Variants in OSER1 observed in about 807,000 individuals in gnomAD.
OSER1 encodes oxidative stress-responsive serine-rich protein 1.
Under a neutral mutation model 26.3 loss-of-function variants are expected in OSER1, and 15 were observed. The observed-to-expected ratio is 0.57, with a 90% CI of 0.38 to 0.88. The LOEUF (loss-of-function observed/expected upper bound fraction) is 0.88, where lower values mean the gene tolerates loss of function less well. OSER1 is among the 40% of genes least tolerant of loss of function. OSER1 has a pLI of 0.00. For synonymous variants in OSER1, 127 were observed against 128.2 expected, an observed-to-expected ratio of 0.99 and a Z score of 0.07; for missense variants, 313 against 353.9, an observed-to-expected ratio of 0.88 and a Z score of 0.93.
Position 44,196,948 on chromosome 20 carries a change from G to C in OSER1, c.*104C>G. ...GTTTTTATTGCAAGCACAGTGAGCA[G>C]AAAGAGATGTCTTCTCACACAAAGT... On this transcript the variant is annotated 3_prime_UTR_variant, in exon 4 of 4. Transcript: ENST00000255174. The C allele has an allele frequency of 1.3e-6, 1 of 770,182 alleles. No individual in the cohort carries two copies. The highest frequency in any genetic ancestry group is 2.5e-5 in the East Asian group (1 of 40,452). The allele number at this position is 770,182 out of a possible 1,614,324, so 47.7% of individuals were successfully genotyped here.
intron 3 of OSER1, among the ~76,000 whole-genome samples, chr20:44,200,532 T>C: frequency 6.6e-6 from 1 of 152,206 alleles, no homozygotes; most frequent in South Asian, 2.1e-4. Flanking sequence ...CAAAAAAAGT[T>C]TGTCAACCTC....
At chr20:44,211,801 C>A (rs914300914), upstream of OSER1, among the ~76,000 whole-genome samples, 2 of 152,230 alleles carry the variant, frequency 1.3e-5, no homozygotes, top group African/African-American at 4.8e-5. Flanking sequence ...TCCAGCTCCA[C>A]GTCTGCACTG....
At chr20:44,208,164 A>T (rs6017289) in intron 1 of OSER1, among the ~76,000 whole-genome samples, 33,176 of 129,806 alleles carry the variant, frequency 0.26, 5,673 homozygotes, top group African/African-American at 0.51. Context: ...TGCCTCTCCA[A>T]CGGCCCTTGG....
At chr20:44,200,972 C>G (rs2072976122) in intron 3 of OSER1, among the ~76,000 whole-genome samples, 1 of 152,144 alleles carries the variant, frequency 6.6e-6, no homozygotes, top group Non-Finnish European at 1.5e-5. Context: ...TCAACTATAT[C>G]AACTCTATCT....
chr20:44,204,164 A>G (rs1435060998), intron 2 of OSER1, among the ~76,000 whole-genome samples: 3 of 152,198 alleles, frequency 2.0e-5, no homozygotes, highest in Admixed American at 6.5e-5. Context: ...ATTATGTTAC[A>G]ATCAGATAAA....
At chr20:44,198,600 C>T (rs2145920525) in intron 3 of OSER1, among the ~76,000 whole-genome samples, 1 of 151,670 alleles carries the variant, frequency 6.6e-6, no homozygotes, top group Admixed American at 6.6e-5. Context: ...GCCTGGGCAA[C>T]AGAGCGAGAC....
chr20:44,203,708 A>ACG (rs1309949332), intron 2 of OSER1, among the ~76,000 whole-genome samples: 1 of 151,618 alleles, frequency 6.6e-6, no homozygotes, highest in Non-Finnish European at 1.5e-5. Flanking sequence ...ACACACACAC[A>ACG]CACACACACA....
chr20:44,197,114 T>A lies in OSER1; in HGVS notation c.817A>T (p.Met273Leu), dbSNP rs777082232. 2 of 1,614,090 alleles carry A rather than the reference T, an allele frequency of 1.2e-6. No individual in the cohort carries two copies. Among genetic ancestry groups the A allele is most frequent in the South Asian group, 2.2e-5 (2 of 91,084 alleles). The change falls in exon 4 of 4, where the codon ATG becomes TTG. Residue 273 changes from methionine (M) to leucine (L), a missense_variant. Physicochemically the swap from Met to Leu is conservative, Grantham distance 15 (BLOSUM62 2). This residue lies in a region of OSER1 where 13 missense variants were observed against 35.6 expected (regional missense o/e 0.37). Coordinates refer to ENST00000255174, the MANE Select transcript of OSER1 (RefSeq NM_016470.8). ...DVTIEDLSGY[M>L]EYYLYIPKKM... ...TTGGGAATATACAAGTAATACTCCA[T>A]GTAGCCTGACAGGTCCTCAATGGTC...
chr20:44,200,398 A>G (rs1180963167), intron 3 of OSER1, among the ~76,000 whole-genome samples: 1 of 152,182 alleles, frequency 6.6e-6, no homozygotes, highest in African/African-American at 2.4e-5. Context: ...ACCAGCCAGG[A>G]CGGCCAACCC....
At chr20:44,202,632 C>T (rs1417607128) in intron 3 of OSER1, among the ~76,000 whole-genome samples, 1 of 152,054 alleles carries the variant, frequency 6.6e-6, no homozygotes, top group Non-Finnish European at 1.5e-5. Context: ...CAACATACAT[C>T]TCTATTATTT....
At chr20:44,204,196 A>G (rs1029531357) in intron 2 of OSER1, among the ~76,000 whole-genome samples, 13 of 152,234 alleles carry the variant, frequency 8.5e-5, no homozygotes, top group Admixed American at 1.3e-4. Flanking sequence ...TTTGTAATAA[A>G]TATATAGAGA....
At chr20:44,210,798 G>C (rs567053251), upstream of OSER1, 5 of 152,572 alleles carry the variant, frequency 3.3e-5, no homozygotes, top group African/African-American at 1.2e-4. Flanking sequence ...AGCCAAGGGG[G>C]CGGCCCGCGC....
Position 44,206,896 on chromosome 20 carries a change from C to CT in OSER1, c.61dup (p.Arg21LysfsTer29), listed in dbSNP as rs765002959. The CT allele has an allele frequency of 1.4e-6, 2 of 1,465,704 alleles. No individual in the cohort carries two copies. The highest frequency in any genetic ancestry group is 2.3e-5 in the East Asian group (1 of 44,100). The allele number at this position is 1,465,704 out of a possible 1,614,324, so 90.8% of individuals were successfully genotyped here. A position where few individuals can be genotyped will look rare whatever the true frequency, so the allele number is the denominator to read the frequency against. ...ATTTAATTACCCTGATGCATCCACTCTTAATTTTTTGAAAGCAGTCTGTAG... is the reference window on the plus strand; with the variant it reads ...ATTTAATTACCCTGATGCATCCACTCTTTAATTTTTTGAAAGCAGTCTGTAG... On this transcript the variant is annotated frameshift_variant, in exon 2 of 4. Coordinates refer to ENST00000255174, the MANE Select transcript of OSER1 (RefSeq NM_016470.8). LOFTEE classifies it high-confidence loss of function.
At chr20:44,205,184 T>C (rs1046634338) in intron 2 of OSER1, among the ~76,000 whole-genome samples, 1 of 152,232 alleles carries the variant, frequency 6.6e-6, no homozygotes, top group Non-Finnish European at 1.5e-5. Flanking sequence ...AAGAAGTCCG[T>C]GTATCAAGAG....
intron 3 of OSER1, among the ~76,000 whole-genome samples, chr20:44,200,666 A>G (rs952058736): frequency 6.6e-5 from 10 of 152,370 alleles, no homozygotes; most frequent in Non-Finnish European, 1.5e-4. Flanking sequence ...TGATTTTTAT[A>G]GACATAATGA....
At chr20:44,210,440 G>A (rs909480837) in intron 1 of OSER1, among the ~76,000 whole-genome samples, 2 of 152,264 alleles carry the variant, frequency 1.3e-5, no homozygotes, top group Non-Finnish European at 2.9e-5. Context: ...GACGGCGGAG[G>A]AGCGAGACGG....
At chr20:44,208,506 T>G (rs897009763) in intron 1 of OSER1, among the ~76,000 whole-genome samples, 4 of 152,078 alleles carry the variant, frequency 2.6e-5, no homozygotes, top group Non-Finnish European at 4.4e-5. Flanking sequence ...CGACGTATAT[T>G]TTGCTGGTTT....
At chr20:44,203,321 T>C (rs1291550233) in intron 2 of OSER1, among the ~76,000 whole-genome samples, 1 of 152,178 alleles carries the variant, frequency 6.6e-6, no homozygotes, top group Non-Finnish European at 1.5e-5. Flanking sequence ...AGGATATAAA[T>C]AGACTTTCAG....
chr20:44,199,530 T>G (rs1426607891), intron 3 of OSER1, among the ~76,000 whole-genome samples: 1 of 152,166 alleles, frequency 6.6e-6, no homozygotes, highest in East Asian at 1.9e-4. Flanking sequence ...GAAAATGAAC[T>G]AAGACAGCTT....
Sources: gnomAD v4.1 joint callset for allele counts (sites outside exome capture counted in the v4.1 genomes callset) on GRCh38, gnomAD v4.1.1 for gene constraint, gnomAD v4.1.1 regional missense constraint, MANE v1.5 for transcripts, NCBI Gene and HGNC (gene_info 2026-07-23, HGNC 2026-07-21) for gene names.